Variants in MAP2K1 observed in about 807,000 individuals in gnomAD.
MAP2K1 encodes dual specificity mitogen-activated protein kinase kinase 1.
MAP2K1 carries 16 observed loss-of-function variants against 46.3 expected under a neutral mutation model. That is an observed-to-expected ratio of 0.35 (90% CI 0.23 to 0.52). MAP2K1 has a LOEUF of 0.52. Ranked by LOEUF, MAP2K1 falls within the 20% of genes least tolerant of loss-of-function variation. MAP2K1 has a pLI of 0.94. For synonymous variants in MAP2K1, 183 were observed against 185.6 expected (o/e 0.99, Z 0.11); for missense variants, 263 against 497.1 (o/e 0.53, Z 4.48).
At chr15:66,427,652 C>T (rs914951588) in intron 1 of MAP2K1, among the ~76,000 whole-genome samples, 29 of 152,074 alleles carry the variant, frequency 1.9e-4, no homozygotes, top group African/African-American at 7.0e-4. Context: ...AGTCTCCTGA[C>T]AACCCCAAGA....
intron 1 of MAP2K1, among the ~76,000 whole-genome samples, chr15:66,411,936 T>A (rs933474842): frequency 2.0e-5 from 3 of 152,196 alleles, no homozygotes; most frequent in African/African-American, 7.2e-5. Flanking sequence ...CATGGTTAGA[T>A]GACCAGTTAC....
At chr15:66,394,853 C>CT (rs2093363984) in intron 1 of MAP2K1, among the ~76,000 whole-genome samples, 1 of 152,166 alleles carries the variant, frequency 6.6e-6, no homozygotes, top group African/African-American at 2.4e-5. Context: ...CTGGTGCTGT[C>CT]TTTCAGAACA....
At chr15:66,471,904 C>T (rs1386766322) in intron 5 of MAP2K1, among the ~76,000 whole-genome samples, 1 of 152,002 alleles carries the variant, frequency 6.6e-6, no homozygotes, top group Non-Finnish European at 1.5e-5. Flanking sequence ...TGGTGAAACC[C>T]CGTCTCTACT....
intron 1 of MAP2K1, among the ~76,000 whole-genome samples, chr15:66,418,942 G>A (rs2093430847): frequency 1.5e-5 from 2 of 135,976 alleles, no homozygotes; most frequent in African/African-American, 5.5e-5. Flanking sequence ...CACTGTGCCC[G>A]GCCTTTTTTT....
At position 66,436,904 on chromosome 15, in the gene MAP2K1, C is replaced by G; in HGVS notation, c.438+12C>G. 1 of 1,613,806 alleles carries G rather than the reference C, an allele frequency of 6.2e-7. No homozygotes were observed. The highest frequency in any genetic ancestry group is 1.3e-5 in the African/African-American group (1 of 74,986). ...GCATGGAGCACATGGTATGTGACAC[C>G]CTCTCAGCCTCTGGAGCAATGGCCT... On this transcript the variant is annotated intron_variant, in intron 3 of 10. Transcript: ENST00000307102.
Position 66,491,036 on chromosome 15 carries a change from C to G in MAP2K1, c.*421C>G. On this transcript the variant is annotated 3_prime_UTR_variant, in exon 11 of 11. Coordinates refer to ENST00000307102, the MANE Select transcript of MAP2K1 (RefSeq NM_002755.4). The stretch of plus-strand genomic sequence containing the variant: ...GGCATACTTTCTCTCTAGGAGGGAG[C>G]CTTGTGAGATCCTTCACAGGCAGTG... 1 of 403,886 alleles carries G rather than the reference C, an allele frequency of 2.5e-6. No individual in the cohort carries two copies. Among genetic ancestry groups the G allele is most frequent in the South Asian group, 2.6e-5 (1 of 38,758 alleles). 25.0% of individuals were successfully genotyped at this position (403,886 alleles called of 1,614,324 possible).
chr15:66,483,018 A>G (rs1368655331), intron 6 of MAP2K1, among the ~76,000 whole-genome samples: 1 of 152,186 alleles, frequency 6.6e-6, no homozygotes, highest in African/African-American at 2.4e-5. Context: ...GTCCCAGGAA[A>G]TAAAGATTAT....
At chr15:66,403,022 G>A (rs2140527848) in intron 1 of MAP2K1, among the ~76,000 whole-genome samples, 1 of 152,272 alleles carries the variant, frequency 6.6e-6, no homozygotes. Context: ...GAGCTTATTA[G>A]GGCTGGATGG....
intron 1 of MAP2K1, chr15:66,414,953 A>T (rs757621662): frequency 2.4e-6 from 1 of 422,112 alleles, no homozygotes; most frequent in African/African-American, 2.0e-5. Context: ...TTGCATAGCC[A>T]CTTGTGCTTG....
chr15:66,478,510 T>A (rs570534362), intron 5 of MAP2K1, among the ~76,000 whole-genome samples: 86 of 120,836 alleles, frequency 7.1e-4, no homozygotes, highest in African/African-American at 2.3e-3. Context: ...ATATATATTT[T>A]TTTTTTGAGA....
chr15:66,426,034 A>G (rs2093457481), intron 1 of MAP2K1, among the ~76,000 whole-genome samples: 1 of 152,180 alleles, frequency 6.6e-6, no homozygotes, highest in African/African-American at 2.4e-5. Context: ...ACAAAAGGAG[A>G]TTAGAAGAAA....
intron 1 of MAP2K1, among the ~76,000 whole-genome samples, chr15:66,422,029 C>G (rs760097593): frequency 4.6e-5 from 7 of 152,112 alleles, no homozygotes; most frequent in Non-Finnish European, 7.4e-5. Flanking sequence ...AACTGTGGTA[C>G]AGTCATTGCC....
At chr15:66,446,049 C>T (rs1891858583) in intron 5 of MAP2K1, among the ~76,000 whole-genome samples, 1 of 151,968 alleles carries the variant, frequency 6.6e-6, no homozygotes, top group Non-Finnish European at 1.5e-5. Context: ...CATGGTGAAA[C>T]CTTGTCTCTG....
intron 5 of MAP2K1, among the ~76,000 whole-genome samples, chr15:66,449,537 G>A (rs2140613823): frequency 6.6e-6 from 1 of 152,256 alleles, no homozygotes; most frequent in Non-Finnish European, 1.5e-5. Flanking sequence ...TGTGGTAATA[G>A]GTTCACAGGT....
rs1567026196 is a variant in MAP2K1 at position 66,486,074 on chromosome 15, A to AT, written c.895+890dup. 3.3e-5 allele frequency among the ~76,000 whole-genome samples: 5 copies of AT among 151,578 alleles called. No homozygotes were observed. The South Asian group carries it at 1.0e-3, about 32-fold the overall frequency. ...CCACCATGCCTGACTAATTTTTTTA[A>AT]TTTTTTTGTATAGATGAGGTCTCAC... On this transcript the variant is annotated intron_variant, in intron 7 of 10. Transcript: ENST00000307102.
At chr15:66,475,081 T>G (rs944175044) in intron 5 of MAP2K1, among the ~76,000 whole-genome samples, 3 of 151,706 alleles carry the variant, frequency 2.0e-5, no homozygotes, top group African/African-American at 7.3e-5. Flanking sequence ...GAAATTTGGG[T>G]GGGGGAAAAG....
At chr15:66,426,138 T>C (rs929369808) in intron 1 of MAP2K1, among the ~76,000 whole-genome samples, 1 of 29,372 alleles carries the variant, frequency 3.4e-5, no homozygotes, top group African/African-American at 1.0e-4. Flanking sequence ...CGTAAGTGTT[T>C]TTTCTTTTTT....
intron 5 of MAP2K1, among the ~76,000 whole-genome samples, chr15:66,474,835 C>T (rs995807944): frequency 6.6e-5 from 10 of 150,598 alleles, no homozygotes; most frequent in African/African-American, 2.0e-4. Flanking sequence ...ACTGGGGAGG[C>T]GGAGGTTGCA....
intron 5 of MAP2K1, among the ~76,000 whole-genome samples, chr15:66,448,448 G>A (rs1891938592): frequency 6.6e-6 from 1 of 152,166 alleles, no homozygotes; most frequent in African/African-American, 2.4e-5. Flanking sequence ...TAGCTAGGTG[G>A]GCTGTGTAGA....
Sources: allele counts gnomAD v4.1 joint callset (sites outside exome capture counted in the v4.1 genomes callset), GRCh38; gene constraint gnomAD v4.1.1; transcripts MANE v1.5; gene names NCBI Gene and HGNC (gene_info 2026-07-23, HGNC 2026-07-21).